KAZN: variants seen among roughly 807,000 people sequenced by gnomAD.
KAZN encodes the protein kazrin.
A neutral mutation model predicts 87.4 loss-of-function variants in KAZN; 40 were observed. The observed-to-expected ratio is 0.46, with a 90% CI of 0.36 to 0.60. The LOEUF (loss-of-function observed/expected upper bound fraction) is 0.60, where lower values mean the gene tolerates loss of function less well. Among genes scored for constraint, KAZN ranks in the 20% least tolerant of loss-of-function variants. KAZN has a pLI of 0.00. For synonymous variants in KAZN, 466 were observed against 458.3 expected (o/e 1.02, Z -0.22); for missense variants, 898 against 1,073.9 (o/e 0.84, Z 2.29).
chr1:14,716,940 C>A (rs1472756771), intron 1 of KAZN, among the ~76,000 whole-genome samples: 3 of 151,784 alleles, frequency 2.0e-5, no homozygotes. Flanking sequence ...GCATCTTATG[C>A]TTTCTGGCCT....
intron 1 of KAZN, among the ~76,000 whole-genome samples, chr1:13,947,763 G>A (rs1043519092): frequency 6.6e-6 from 1 of 152,178 alleles, no homozygotes; most frequent in Non-Finnish European, 1.5e-5. Context: ...GTAGACAGCC[G>A]TCTTCTCCCT....
chr1:14,578,062 T>C (rs1486795065), intron 2 of KAZN, among the ~76,000 whole-genome samples: 1 of 152,158 alleles, frequency 6.6e-6, no homozygotes, highest in African/African-American at 2.4e-5. Flanking sequence ...TAAGTGCATC[T>C]ACCCCCTACT....
At chr1:15,006,625 A>T (rs1669030162) in intron 2 of KAZN, among the ~76,000 whole-genome samples, 1 of 152,244 alleles carries the variant, frequency 6.6e-6, no homozygotes, top group African/African-American at 2.4e-5. Context: ...GGTGCCAGGG[A>T]TACAGCAGTT....
At chr1:14,628,259 T>C (rs947527543) in intron 1 of KAZN, among the ~76,000 whole-genome samples, 2 of 152,152 alleles carry the variant, frequency 1.3e-5, no homozygotes, top group African/African-American at 4.8e-5. Context: ...GGCGGAGTAA[T>C]TTCAGTTTTA....
intron 1 of KAZN, among the ~76,000 whole-genome samples, chr1:14,935,703 C>T (rs894752348): frequency 5.3e-5 from 8 of 152,162 alleles, no homozygotes; most frequent in Non-Finnish European, 1.0e-4. Context: ...TCCCCTTCTC[C>T]CTGTACCCTG....
chr1:14,007,433 C>T (rs1471117074), intron 1 of KAZN, among the ~76,000 whole-genome samples: 1 of 152,136 alleles, frequency 6.6e-6, no homozygotes, highest in African/African-American at 2.4e-5. Context: ...CCAGCTTCCT[C>T]CTGTGCATTT....
upstream of KAZN, among the ~76,000 whole-genome samples, chr1:14,598,317 C>T (rs917533607): frequency 9.9e-5 from 15 of 152,276 alleles, no homozygotes; most frequent in Non-Finnish European, 2.1e-4. The surrounding 1 kb of genome is among the most constrained non-coding windows in gnomAD (Gnocchi z 4.2). Context: ...CGTCTCCCTT[C>T]CATGGAGATC....
At chr1:14,530,946 A>T (rs1672176379) in intron 2 of KAZN, among the ~76,000 whole-genome samples, 2 of 152,044 alleles carry the variant, frequency 1.3e-5, no homozygotes, top group South Asian at 4.1e-4. Flanking sequence ...AGTGCTGTGC[A>T]CCTGTAGCCC....
chr1:14,177,813 G>C (rs536161272), intron 1 of KAZN, among the ~76,000 whole-genome samples: 1 of 141,752 alleles, frequency 7.1e-6, no homozygotes, highest in African/African-American at 2.6e-5. Context: ...TTTTTTTTTA[G>C]TAATTTGATT....
intron 2 of KAZN, among the ~76,000 whole-genome samples, chr1:14,322,207 C>A (rs1168104502): frequency 6.6e-6 from 1 of 152,056 alleles, no homozygotes; most frequent in Non-Finnish European, 1.5e-5. Context: ...AGGAGGATAG[C>A]TTGAGCCTAG....
intron 1 of KAZN, among the ~76,000 whole-genome samples, chr1:14,756,637 T>G (rs539166978): frequency 4.5e-4 from 68 of 152,240 alleles, no homozygotes; most frequent in Non-Finnish European, 8.1e-4. Context: ...GCACTGTTTA[T>G]AAGGCAGCCT....
chr1:14,691,912 A>G (rs1331032192), intron 1 of KAZN, among the ~76,000 whole-genome samples: 1 of 144,530 alleles, frequency 6.9e-6, no homozygotes, highest in Non-Finnish European at 1.5e-5. Flanking sequence ...AGCTTATCTT[A>G]TCTGCCAATT....
intron 1 of KAZN, among the ~76,000 whole-genome samples, chr1:14,881,245 T>G (rs1557583979): frequency 6.6e-6 from 1 of 152,224 alleles, no homozygotes. Context: ...TGTTTCCAGT[T>G]GGACCAGAAA....
intron 2 of KAZN, among the ~76,000 whole-genome samples, chr1:14,965,230 G>A (rs2101802926): frequency 1.3e-5 from 2 of 152,140 alleles, no homozygotes; most frequent in South Asian, 4.2e-4. Context: ...ATGTTGCTCA[G>A]GCTGGTCTGG....
chr1:14,848,635 CT>C (rs1191171320), intron 1 of KAZN, among the ~76,000 whole-genome samples: 1 of 152,294 alleles, frequency 6.6e-6, no homozygotes, highest in East Asian at 1.9e-4. Context: ...AACATCCACT[CT>C]TAAAGTCTGA....
chr1:14,725,091 A>G (rs1643314955), intron 1 of KAZN, among the ~76,000 whole-genome samples: 1 of 152,210 alleles, frequency 6.6e-6, no homozygotes, highest in African/African-American at 2.4e-5. Context: ...GAAGATCACC[A>G]TACACTGAAT....
chr1:14,692,659 C>G (rs967276254), intron 1 of KAZN: 2 of 152,500 alleles, frequency 1.3e-5, no homozygotes, highest in Non-Finnish European at 2.9e-5. Context: ...AGGCTGGGTG[C>G]AGTGCCTCAC....
rs188831769 is a variant in KAZN, at chr1:14,494,336, G to A, written c.250-104647G>A. 6.0e-4 allele frequency among the ~76,000 whole-genome samples: 91 copies of A among 152,352 alleles called. No homozygotes were observed. In the East Asian group the frequency reaches 0.011, roughly 19 times the overall value. On this transcript the variant is annotated intron_variant, in intron 2 of 16. Coordinates refer to the KAZN transcript ENST00000636203. ...ATGAGCACACAACCGTGGCTGGGCA[G>A]AGAGGGAGTGGGTAGGTAGAGGTTG...
At chr1:14,144,784 C>A (rs981722014) in intron 1 of KAZN, among the ~76,000 whole-genome samples, 1 of 152,132 alleles carries the variant, frequency 6.6e-6, no homozygotes, top group Non-Finnish European at 1.5e-5. Flanking sequence ...TCACATGGCA[C>A]GAAAGGAAGC....
Sources: allele counts gnomAD v4.1 joint callset (sites outside exome capture counted in the v4.1 genomes callset), GRCh38; gene constraint gnomAD v4.1.1; non-coding constraint Gnocchi (gnomAD v3.1); transcripts MANE v1.5; gene names NCBI Gene and HGNC (gene_info 2026-07-23, HGNC 2026-07-21).